The following TTC39B variants were observed in gnomAD, a reference collection of about 807,000 sequenced individuals.
TTC39B encodes tetratricopeptide repeat protein 39B.
TTC39B carries 92 observed loss-of-function variants against 96.6 expected under a neutral mutation model. That is an observed-to-expected ratio of 0.95 (90% CI 0.80 to 1.13). The LOEUF is 1.13. Among genes scored for constraint, TTC39B ranks in the 50% most tolerant of loss-of-function variants. The pLI, the probability that TTC39B is intolerant of heterozygous loss-of-function variation, is 0.00. For missense variants in TTC39B, 955 were observed against 809.3 expected (o/e 1.18, Z -2.18); for synonymous variants, 367 against 299.4 (o/e 1.23, Z -2.33).
Position 15,235,487 on chromosome 9 carries a change from C to T in TTC39B, c.276-9475G>A, listed in dbSNP as rs928727419. On this transcript the variant is annotated intron_variant, in intron 2 of 19. Transcript: ENST00000512701. Reference sequence around the variant, plus strand: ...AACACCTGCAAGACACTATGCAAGACGAACTTCACCAAGGCATATAGTCAT... The same window carrying T: ...AACACCTGCAAGACACTATGCAAGATGAACTTCACCAAGGCATATAGTCAT... Among the ~76,000 whole-genome samples, 5 of 152,042 alleles carry T rather than the reference C, an allele frequency of 3.3e-5. No individual in the cohort carries two copies. In the East Asian group the frequency reaches 5.8e-4, roughly 18 times the overall value.
intron 8 of TTC39B, among the ~76,000 whole-genome samples, chr9:15,198,467 T>A (rs201482353): frequency 0.24 from 34,286 of 144,182 alleles, 4,247 homozygotes; most frequent in South Asian, 0.31. Flanking sequence ...CAAAAATATA[T>A]ATATATATAT....
chr9:15,186,355 C>T (rs956376166), intron 15 of TTC39B, among the ~76,000 whole-genome samples: 1 of 151,972 alleles, frequency 6.6e-6, no homozygotes, highest in African/African-American at 2.4e-5. Flanking sequence ...AGACAGGAAC[C>T]CTTGTAGTTT....
At chr9:15,172,149 C>T in intron 19 of TTC39B, 40 bp from the exon 20 acceptor site, 1 of 1,467,628 alleles carries the variant, frequency 6.8e-7, no homozygotes, top group Non-Finnish European at 9.5e-7. Context: ...TCAAAATTTC[C>T]TTATATACCA....
chr9:15,264,081 T>TCATTAGAAACTGAGG lies in TTC39B; in HGVS notation c.275+3818_275+3832dup, dbSNP rs1241862343. Reference sequence around the variant, plus strand: ...GAGGCAATGAAGGGAGAATGCGTGGTCATTAGAAACTGAGGCAGTGTTAAG... The same window carrying TCATTAGAAACTGAGG: ...GAGGCAATGAAGGGAGAATGCGTGGTCATTAGAAACTGAGGCATTAGAAACTGAGGCAGTGTTAAG... On this transcript the variant is annotated intron_variant, in intron 2 of 19. Transcript: ENST00000512701. Among the ~76,000 whole-genome samples the TCATTAGAAACTGAGG allele has an allele frequency of 2.6e-5, 4 of 152,116 alleles. No individual in the cohort carries two copies. In the East Asian group the frequency reaches 7.7e-4, roughly 29 times the overall value.
In TTC39B at chr9:15,250,910, T is replaced by C. The variant is rs116538951; in HGVS notation, c.275+17004A>G. 6.9e-3 allele frequency among the ~76,000 whole-genome samples: 1,045 copies of C among 152,206 alleles called. 7 individuals are homozygous for C. Among genetic ancestry groups the C allele is most frequent in the African/African-American group, 0.024 (999 of 41,530 alleles). ...CTAATTTTTCTAATTATAAAAGTAA[T>C]ACCAGGGCTAGGCGCAGTGGCTCAT... is the stretch of plus-strand genomic sequence containing the variant. On this transcript the variant is annotated intron_variant, in intron 2 of 19. Transcript: ENST00000512701.
chr9:15,172,127 A>C lies in TTC39B; in HGVS notation c.1959-18T>G. 6.3e-7 allele frequency: 1 copy of C among 1,589,114 alleles called. No homozygotes were observed. The highest frequency in any genetic ancestry group is 8.6e-7 in the Non-Finnish European group (1 of 1,159,914). The stretch of plus-strand genomic sequence containing the variant: ...AGTTGTTCCTGAAGACAATAACAAT[A>C]AAATTGTACAGTCAAAATTTCCTTA... On this transcript the variant is annotated intron_variant, in intron 19 of 19. Transcript: ENST00000512701.
chr9:15,182,171 C>T (rs942622690), intron 17 of TTC39B, 136 bp downstream of exon 17: 1 of 536,510 alleles, frequency 1.9e-6, no homozygotes, highest in South Asian at 3.1e-5. Context: ...CTGCAATCAC[C>T]CAGACCCCTG....
intron 18 of TTC39B, among the ~76,000 whole-genome samples, chr9:15,175,826 C>T (rs574236919): frequency 6.6e-6 from 1 of 152,120 alleles, no homozygotes; most frequent in Non-Finnish European, 1.5e-5. Context: ...GGAGATGAGG[C>T]CTTGGGCCCA....
chr9:15,293,857 A>G (rs766576139), intron 1 of TTC39B, among the ~76,000 whole-genome samples: 3 of 152,156 alleles, frequency 2.0e-5, no homozygotes, highest in Non-Finnish European at 4.4e-5. Flanking sequence ...CAACGGTTGG[A>G]ACCGTGTTCA....
intron 16 of TTC39B, chr9:15,183,478 A>G (rs1487070616): frequency 5.6e-6 from 2 of 357,932 alleles, no homozygotes; most frequent in African/African-American, 4.4e-5. Context: ...AAAAAAAAAA[A>G]AAATCCCAGT....
intron 2 of TTC39B, among the ~76,000 whole-genome samples, chr9:15,228,690 T>A (rs1022607121): frequency 6.6e-6 from 1 of 152,206 alleles, no homozygotes; most frequent in Non-Finnish European, 1.5e-5. Context: ...TCCCACTCCT[T>A]AAGTAGAACA....
intron 1 of TTC39B, among the ~76,000 whole-genome samples, chr9:15,302,993 C>T (rs964549957): frequency 6.6e-6 from 1 of 152,086 alleles, no homozygotes; most frequent in Non-Finnish European, 1.5e-5. Context: ...CATGGTGAAA[C>T]CCCGTCTCTA....
exon 9 of TTC39B, chr9:15,192,632 C>T (rs1818921797): frequency 2.5e-6 from 4 of 1,614,002 alleles, no homozygotes; most frequent in Non-Finnish European, 3.4e-6. Flanking sequence ...CCCCTTCAAA[C>T]TCATAGAAGA....
At chr9:15,239,606 T>C (rs1821947817) in intron 2 of TTC39B, among the ~76,000 whole-genome samples, 1 of 152,210 alleles carries the variant, frequency 6.6e-6, no homozygotes, top group Non-Finnish European at 1.5e-5. Flanking sequence ...TGAAATCATC[T>C]TTGCGGCAAC....
At chr9:15,252,128 A>G (rs1405137592) in intron 2 of TTC39B, among the ~76,000 whole-genome samples, 2 of 152,210 alleles carry the variant, frequency 1.3e-5, no homozygotes, top group African/African-American at 4.8e-5. Flanking sequence ...GAAGGAAAAG[A>G]GAACTGCAAG....
intron 1 of TTC39B, among the ~76,000 whole-genome samples, chr9:15,285,611 T>G (rs1823940165): frequency 6.6e-6 from 1 of 152,150 alleles, no homozygotes; most frequent in African/African-American, 2.4e-5. Context: ...TCCCTGCACT[T>G]CGGGAGGCCG....
chr9:15,302,055 G>A (rs966714760), intron 1 of TTC39B, among the ~76,000 whole-genome samples: 3 of 152,222 alleles, frequency 2.0e-5, no homozygotes, highest in African/African-American at 7.2e-5. Flanking sequence ...GGGCACGGTG[G>A]CTCACGCCTG....
chr9:15,299,767 C>T (rs1824518812), intron 1 of TTC39B, among the ~76,000 whole-genome samples: 1 of 152,118 alleles, frequency 6.6e-6, no homozygotes, highest in African/African-American at 2.4e-5. Flanking sequence ...TCACTGAACT[C>T]ACAGTATCAG....
chr9:15,191,309 C>G, intron 9 of TTC39B, 54 bp from the exon 10 acceptor site: 1 of 1,227,436 alleles, frequency 8.1e-7, no homozygotes, highest in Non-Finnish European at 1.2e-6. Context: ...TAACTGCAAA[C>G]AAATCTAAAC....
Sources: gnomAD v4.1 joint callset for allele counts (sites outside exome capture counted in the v4.1 genomes callset) on GRCh38, gnomAD v4.1.1 for gene constraint, MANE v1.5 for transcripts, NCBI Gene and HGNC (gene_info 2026-07-23, HGNC 2026-07-21) for gene names.